Variants in ZFPM1 observed in about 807,000 individuals in gnomAD.
ZFPM1 encodes the protein zinc finger protein, FOG family member 1, also known as zinc finger protein ZFPM1.
A neutral mutation model predicts 46.3 loss-of-function variants in ZFPM1; 28 were observed. The ratio of observed to expected loss-of-function variants is 0.60; its 90% confidence interval spans 0.45 to 0.83. ZFPM1 has a LOEUF of 0.83. Ranked by LOEUF, ZFPM1 falls within the 40% of genes least tolerant of loss-of-function variation. The pLI is 0.00. For missense variants in ZFPM1, 1,878 were observed against 1,432.4 expected (o/e 1.31, Z -5.02); for synonymous variants, 957 against 675.9 (o/e 1.42, Z -6.45).
At chr16:88,527,529 C>T (rs1912439234) in intron 5 of ZFPM1, among the ~76,000 whole-genome samples, 1 of 152,078 alleles carries the variant, frequency 6.6e-6, no homozygotes, top group Non-Finnish European at 1.5e-5. Flanking sequence ...GTGAGCGGGC[C>T]GGCTCAGGCC....
At chr16:88,457,277 G>C (rs113936469) in intron 1 of ZFPM1, among the ~76,000 whole-genome samples, 3,617 of 152,362 alleles carry the variant, frequency 0.024, 134 homozygotes, top group African/African-American at 0.082. Context: ...GAGGCACCCG[G>C]GTGTTGAGGC....
chr16:88,512,674 G>A (rs914088517), intron 3 of ZFPM1, among the ~76,000 whole-genome samples: 7 of 152,272 alleles, frequency 4.6e-5, no homozygotes, highest in East Asian at 1.9e-4. Context: ...GCCCTGACTC[G>A]GGGGTGACAC....
At chr16:88,516,086 G>C in intron 4 of ZFPM1, 2 of 398,484 alleles carry the variant, frequency 5.0e-6, no homozygotes, top group Non-Finnish European at 8.8e-6. Context: ...CACCCTACGA[G>C]GAGGGTCCTG....
intron 4 of ZFPM1, among the ~76,000 whole-genome samples, chr16:88,525,939 C>G: frequency 6.6e-6 from 1 of 152,380 alleles, no homozygotes; most frequent in African/African-American, 2.4e-5. Context: ...CCACCGCCGA[C>G]AGCATGGCAT....
chr16:88,518,014 T>C (rs1231116815), intron 4 of ZFPM1, among the ~76,000 whole-genome samples: 1 of 151,814 alleles, frequency 6.6e-6, no homozygotes, highest in Admixed American at 6.6e-5. Context: ...ATCGAGACCA[T>C]CCTGGCTAAC....
chr16:88,531,883 G>C, intron 6 of ZFPM1, 119 bp from the exon 7 acceptor site: 2 of 965,526 alleles, frequency 2.1e-6, no homozygotes, highest in Non-Finnish European at 3.1e-6. Context: ...CAAAGCCTCA[G>C]CTCCTGGGGT....
In ZFPM1 at chr16:88,453,373, G is replaced by C. The variant is rs1907372203; in HGVS notation, c.-266G>C. ...AAAGCCGAGCGGCCGCGGCGGCGGC[G>C]GCGAGTGCGCGGGAGCGGAGGAGCC... is the stretch of plus-strand genomic sequence containing the variant. On this transcript the variant is annotated 5_prime_UTR_variant, in exon 1 of 10. Transcript: ENST00000319555. The C allele has an allele frequency of 1.4e-5, 2 of 146,908 alleles. No individual in the cohort carries two copies. The highest frequency in any genetic ancestry group is 2.4e-5 in the African/African-American group (1 of 40,898). 9.1% of individuals were successfully genotyped at this position (146,908 alleles called of 1,614,324 possible). A position where few individuals can be genotyped will look rare whatever the true frequency, so the allele number is the denominator to read the frequency against.
intron 3 of ZFPM1, among the ~76,000 whole-genome samples, chr16:88,502,289 T>G (rs1423092905): frequency 6.6e-6 from 1 of 151,984 alleles, no homozygotes. Context: ...TGCGGCAAGA[T>G]GCTATCTCGG....
Position 88,487,677 on chromosome 16 carries a change from C to T in ZFPM1, c.146-1354C>T, listed in dbSNP as rs557394548. On this transcript the variant is annotated intron_variant, in intron 2 of 9. Coordinates refer to ENST00000319555, the MANE Select transcript of ZFPM1 (RefSeq NM_153813.3). The stretch of plus-strand genomic sequence containing the variant: ...TTCCCAGTCTGAGTGTCAGGGTCCC[C>T]GCTGGGTGGGCCGCGGCCCCAAGAG... 7.2e-5 allele frequency among the ~76,000 whole-genome samples: 11 copies of T among 152,248 alleles called. No individual in the cohort carries two copies. The South Asian group carries it at 2.1e-3, about 29-fold the overall frequency.
At chr16:88,488,903 TG>T in intron 2 of ZFPM1, 127 bp from the exon 3 acceptor site, 2 of 1,406,788 alleles carry the variant, frequency 1.4e-6, no homozygotes, top group Non-Finnish European at 1.9e-6. Context: ...CACCAGGAGA[TG>T]GGGGTGGCTC....
chr16:88,490,837 G>T (rs1359265365), intron 3 of ZFPM1, among the ~76,000 whole-genome samples: 1 of 152,184 alleles, frequency 6.6e-6, no homozygotes, highest in Non-Finnish European at 1.5e-5. Context: ...CCCCCAGGAA[G>T]GGGGACCGGG....
At chr16:88,503,726 G>A (rs12447718) in intron 3 of ZFPM1, among the ~76,000 whole-genome samples, 12,775 of 152,232 alleles carry the variant, frequency 0.084, 757 homozygotes, top group African/African-American at 0.16. Context: ...CACAGTTCAC[G>A]GAAGCACCTT....
rs1910027337 is a variant in ZFPM1, at chr16:88,497,904, G to A, written c.268+8751G>A. On this transcript the variant is annotated intron_variant, in intron 3 of 9. Coordinates refer to ENST00000319555, the MANE Select transcript of ZFPM1 (RefSeq NM_153813.3). The surrounding 1 kb of genome is among the most constrained non-coding windows in gnomAD (Gnocchi z 5.4). Reference sequence around the variant, plus strand: ...CAAACCTCAAGGCCTGCTATCGGGTGGAGGCTGAGGCGGGGGCCCGGCCTG... The same window carrying A: ...CAAACCTCAAGGCCTGCTATCGGGTAGAGGCTGAGGCGGGGGCCCGGCCTG... Among the ~76,000 whole-genome samples the A allele has an allele frequency of 6.6e-6, 1 of 152,204 alleles. No homozygotes were observed. Among genetic ancestry groups the A allele is most frequent in the South Asian group, 2.1e-4 (1 of 4,838 alleles).
chr16:88,512,725 CCAGA>C (rs1229234134), intron 3 of ZFPM1, among the ~76,000 whole-genome samples: 1 of 152,192 alleles, frequency 6.6e-6, no homozygotes, highest in African/African-American at 2.4e-5. Context: ...CCGCCGGAGG[CCAGA>C]CAGAGGGACA....
intron 1 of ZFPM1, among the ~76,000 whole-genome samples, chr16:88,479,748 T>C (rs1467996479): frequency 9.8e-6 from 1 of 102,484 alleles, no homozygotes; most frequent in Non-Finnish European, 1.9e-5. Flanking sequence ...AGGCCAGCCC[T>C]GGGGGTCTTT....
In ZFPM1 at chr16:88,534,032, T is replaced by G; in HGVS notation, c.2074T>G (p.Phe692Val). ...GCTGTGCGAGGCCTGCAACATCCGC[T>G]TCAGCCGCCACGAGACCTACACCGT... The part of the protein sequence containing the change: ...RTLCEACNIR[F>V]SRHETYTVHK... The change falls in exon 10 of 10, where the codon TTC becomes GTC. Residue 692 changes from phenylalanine (F) to valine (V), a missense_variant. Transcript: ENST00000319555. 1 of 1,340,814 alleles carries G rather than the reference T, an allele frequency of 7.5e-7. No homozygotes were observed. 83.1% of individuals were successfully genotyped at this position (1,340,814 alleles called of 1,614,324 possible). A position where few individuals can be genotyped will look rare whatever the true frequency, so the allele number is the denominator to read the frequency against.
intron 5 of ZFPM1, 36 bp from the exon 6 acceptor site, chr16:88,527,996 A>G: frequency 6.7e-7 from 1 of 1,500,026 alleles, no homozygotes; most frequent in Non-Finnish European, 9.0e-7. Flanking sequence ...GAAGTGGGGC[A>G]CAAAGTCCTA....
intron 3 of ZFPM1, among the ~76,000 whole-genome samples, chr16:88,492,588 A>G (rs1909640068): frequency 6.6e-6 from 1 of 152,140 alleles, no homozygotes; most frequent in South Asian, 2.1e-4. Context: ...CTGGACCCGG[A>G]CTCACAGGTA....
intron 1 of ZFPM1, 73 bp from the exon 2 acceptor site, chr16:88,485,866 G>T (rs1909191672): frequency 6.9e-7 from 1 of 1,456,072 alleles, no homozygotes; most frequent in Non-Finnish European, 9.6e-7. Flanking sequence ...CTGTACCTAT[G>T]CCAGGAGGGG....
Sources: allele counts gnomAD v4.1 joint callset (sites outside exome capture counted in the v4.1 genomes callset), GRCh38; gene constraint gnomAD v4.1.1; non-coding constraint Gnocchi (gnomAD v3.1); transcripts MANE v1.5; gene names NCBI Gene and HGNC (gene_info 2026-07-23, HGNC 2026-07-21).